S100A5: variants seen among roughly 807,000 people sequenced by gnomAD.
S100A5 encodes the protein protein S100-A5.
A neutral mutation model predicts 6.7 loss-of-function variants in S100A5; 5 were observed. The observed-to-expected ratio is 0.75, with a 90% CI of 0.39 to 1.57. The LOEUF is 1.57. Ranked by LOEUF, S100A5 falls within the 40% of genes most tolerant of loss-of-function variation. The probability of loss-of-function intolerance (pLI) is 0.03; values close to 1 mark genes in which losing one functional copy is unlikely to be tolerated. For missense variants in S100A5, 129 were observed against 110.8 expected, an observed-to-expected ratio of 1.16 and a Z score of -0.74; for synonymous variants, 49 against 44.9, an observed-to-expected ratio of 1.09 and a Z score of -0.37.
rs904462693 is a variant in S100A5, at chr1:153,540,820, A to G, written c.-214T>C. ...AGACGGGTCAGCGGGCAGGGAGGGC[A>G]GGGGGCCTCTTGAAATCTCCAGGAT... On this transcript the variant is annotated 5_prime_UTR_variant, in exon 1 of 3. Coordinates refer to ENST00000368717, the MANE Select transcript of S100A5 (RefSeq NM_001394232.1). 1 of 159,128 alleles carries G rather than the reference A, an allele frequency of 6.3e-6. No individual in the cohort carries two copies. The highest frequency in any genetic ancestry group is 1.9e-4 in the East Asian group (1 of 5,280). The allele number at this position is 159,128 out of a possible 1,614,324, so 9.9% of individuals were successfully genotyped here.
chr1:153,541,248 G>A (rs1193401373), upstream of S100A5: 5 of 591,832 alleles, frequency 8.4e-6, 1 homozygote, highest in African/African-American at 1.9e-5. Flanking sequence ...CAAAGGCTCT[G>A]CCCTCTTCTC....
chr1:153,538,145 C>G (rs477339), intron 2 of S100A5, among the ~76,000 whole-genome samples: 35,037 of 152,036 alleles, frequency 0.23, 7,569 homozygotes, highest in African/African-American at 0.58. Flanking sequence ...GTGAGAATAA[C>G]CCCGGACAAA....
Position 153,540,213 on chromosome 1 carries a change from G to C in S100A5, c.-14-8C>G, listed in dbSNP as rs754381664. Reference sequence around the variant, plus strand: ...CCATCACAGTGTGCAGCTCTGTAGAGGGAGAGGGGAAGATCCCATTCCTCA... The same window carrying C: ...CCATCACAGTGTGCAGCTCTGTAGACGGAGAGGGGAAGATCCCATTCCTCA... On this transcript the variant is annotated splice_polypyrimidine_tract_variant and splice_region_variant and intron_variant, in intron 1 of 2. Coordinates refer to ENST00000368717, the MANE Select transcript of S100A5 (RefSeq NM_001394232.1). 13 of 1,613,614 alleles carry C rather than the reference G, an allele frequency of 8.1e-6. No homozygotes were observed. Among genetic ancestry groups the C allele is most frequent in the Middle Eastern group, 1.6e-4 (1 of 6,082 alleles).
chr1:153,541,292 C>T (rs1178515876), upstream of S100A5: 9 of 1,059,726 alleles, frequency 8.5e-6, no homozygotes, highest in East Asian at 3.9e-4. Flanking sequence ...GGCCAGGCCT[C>T]CTTGGTGGAG....
intron 2 of S100A5, among the ~76,000 whole-genome samples, chr1:153,537,837 C>T (rs192159186): frequency 6.6e-6 from 1 of 152,258 alleles, no homozygotes; most frequent in African/African-American, 2.4e-5. Flanking sequence ...CACCTGACAT[C>T]AGGAGTTCGA....
chr1:153,539,467 ATATATATATTTATT>A (rs1201049630), intron 2 of S100A5, among the ~76,000 whole-genome samples: 100 of 126,502 alleles, frequency 7.9e-4, no homozygotes, highest in African/African-American at 3.2e-3. Flanking sequence ...ATATATATAT[ATATATATATTTATT>A]TATTTATTTA....
upstream of S100A5, chr1:153,541,816 C>A (rs1229218298): frequency 3.8e-6 from 4 of 1,043,212 alleles, no homozygotes; most frequent in African/African-American, 3.4e-5. Context: ...CCACATCGGG[C>A]CCCTCCCACC....
In S100A5 at chr1:153,537,437, C is replaced by T. The variant is rs748655259; in HGVS notation, c.139-1G>A. 7 of 1,614,056 alleles carry T rather than the reference C, an allele frequency of 4.3e-6. No individual in the cohort carries two copies. Among genetic ancestry groups the T allele is most frequent in the Non-Finnish European group, 8.5e-7 (1 of 1,179,978 alleles). On this transcript the variant is annotated splice_acceptor_variant, in intron 2 of 2. Transcript: ENST00000368717. LOFTEE classifies it high-confidence loss of function. ...AGTCATCGATGCTGCTCTCCTTCAT[C>T]TTTTGTGGACCCAGGTGGAGAGACA...
upstream of S100A5, among the ~76,000 whole-genome samples, chr1:153,542,859 T>C (rs1665435205): frequency 6.6e-6 from 1 of 152,138 alleles, no homozygotes; most frequent in Non-Finnish European, 1.5e-5. Context: ...TTCCCACCAT[T>C]TGCCTCACTC....
chr1:153,538,041 C>T (rs2248832), intron 2 of S100A5, among the ~76,000 whole-genome samples: 18,026 of 150,034 alleles, frequency 0.12, 1,254 homozygotes, highest in African/African-American at 0.19. Context: ...AATGAAACTC[C>T]TTCTCAAAAA....
chr1:153,541,113 C>T (rs11488667), upstream of S100A5, among the ~76,000 whole-genome samples: 2,818 of 152,264 alleles, frequency 0.019, 100 homozygotes, highest in African/African-American at 0.065. Context: ...AAACCTCAGC[C>T]TCTCCCACCT....
At chr1:153,541,523 G>A, upstream of S100A5, 3 of 1,337,936 alleles carry the variant, frequency 2.2e-6, no homozygotes, top group Non-Finnish European at 9.9e-7. Flanking sequence ...GGGGACTTGA[G>A]GATGCCCACG....
chr1:153,537,689 T>C (rs1290975577), intron 2 of S100A5, among the ~76,000 whole-genome samples: 1 of 152,104 alleles, frequency 6.6e-6, no homozygotes, highest in Non-Finnish European at 1.5e-5. Context: ...TAGCCTGCCT[T>C]CCCTGCAATA....
At position 153,537,211 on chromosome 1, in the gene S100A5, G is replaced by C; in HGVS notation, c.*85C>G. 1 of 1,478,338 alleles carries C rather than the reference G, an allele frequency of 6.8e-7. No individual in the cohort carries two copies. The allele number at this position is 1,478,338 out of a possible 1,614,324, so 91.6% of individuals were successfully genotyped here. On this transcript the variant is annotated 3_prime_UTR_variant, in exon 3 of 3. Coordinates refer to ENST00000368717, the MANE Select transcript of S100A5 (RefSeq NM_001394232.1). ...AAGGGTCCATCTGGGAGGGAGAGGA[G>C]GGCAGGGGGCCAAAGAGGGTCTGTG...
chr1:153,537,265 G>T lies in S100A5; in HGVS notation c.*31C>A, dbSNP rs748140856. 1.1e-5 allele frequency: 18 copies of T among 1,603,488 alleles called. No homozygotes were observed. In the Admixed American group the frequency reaches 2.8e-4, roughly 25 times the overall value. On this transcript the variant is annotated 3_prime_UTR_variant, in exon 3 of 3. Coordinates refer to ENST00000368717, the MANE Select transcript of S100A5 (RefSeq NM_001394232.1). ...GGAGCAGCCGAGGTCAGCAGCAAAGGGTGGAGGGTGAGGGTGGAGGGCAGC... is the reference window on the plus strand; with the variant it reads ...GGAGCAGCCGAGGTCAGCAGCAAAGTGTGGAGGGTGAGGGTGGAGGGCAGC...
At chr1:153,538,276 T>A (rs141484567) in intron 2 of S100A5, among the ~76,000 whole-genome samples, 130 of 152,344 alleles carry the variant, frequency 8.5e-4, no homozygotes, top group Middle Eastern at 3.4e-3. Context: ...AGTCCCCTGA[T>A]GTCCCAGCCT....
Position 153,539,990 on chromosome 1 carries a change from G to A in S100A5, c.138+64C>T, listed in dbSNP as rs964448576. ...CTTAGGCTGGAGGATCCTGAGGGTA[G>A]GTATGTGTCCCCCAGAGGGAGTACT... On this transcript the variant is annotated intron_variant, in intron 2 of 2. Coordinates refer to ENST00000368717, the MANE Select transcript of S100A5 (RefSeq NM_001394232.1). The A allele has an allele frequency of 2.5e-6, 4 of 1,581,326 alleles. No individual in the cohort carries two copies. In the African/African-American group the frequency reaches 5.4e-5, roughly 21 times the overall value.
rs375074680 is a variant in S100A5 at position 153,537,357 on chromosome 1, G to A, written c.218C>T (p.Ser73Leu). The A allele has an allele frequency of 2.7e-4, 432 of 1,614,038 alleles. No homozygotes were observed. The highest frequency in any genetic ancestry group is 3.5e-4 in the Non-Finnish European group (416 of 1,180,010). ...CATGCACAGCATGGTCAGGAACACC[G>A]AGTACTCCTTGAAGTCGATCTCCTG... is the stretch of plus-strand genomic sequence containing the variant. Reference protein sequence around the residue: ...SDQEIDFKEYSVFLTMLCMAY... With the variant: ...SDQEIDFKEYLVFLTMLCMAY... Residue 73 changes from serine (S) to leucine (L), a missense_variant, in exon 3 of 3, where the codon TCG becomes TTG. Transcript: ENST00000368717.
upstream of S100A5, chr1:153,541,290 C>CAAGGA: frequency 9.6e-7 from 1 of 1,037,208 alleles, no homozygotes; most frequent in Non-Finnish European, 1.4e-6. Flanking sequence ...GGGGCCAGGC[C>CAAGGA]TCCTTGGTGG....
Sources: gnomAD v4.1 joint callset for allele counts (sites outside exome capture counted in the v4.1 genomes callset) on GRCh38, gnomAD v4.1.1 for gene constraint, MANE v1.5 for transcripts, NCBI Gene and HGNC (gene_info 2026-07-23, HGNC 2026-07-21) for gene names.